SMARCA2: variants seen among roughly 807,000 people sequenced by gnomAD.
The protein encoded by SMARCA2 is SWI/SNF-related matrix-associated actin-dependent regulator of chromatin subfamily A member 2.
A neutral mutation model predicts 199.8 loss-of-function variants in SMARCA2; 61 were observed. That is an observed-to-expected ratio of 0.31 (90% CI 0.25 to 0.38). The LOEUF (loss-of-function observed/expected upper bound fraction) is 0.38, where lower values mean the gene tolerates loss of function less well. Ranked by LOEUF, SMARCA2 falls within the 10% of genes least tolerant of loss-of-function variation. SMARCA2 has a pLI of 1.00. For synonymous variants in SMARCA2, 935 were observed against 732.0 expected, an observed-to-expected ratio of 1.28 and a Z score of -4.48; for missense variants, 1,344 against 2,012.2, an observed-to-expected ratio of 0.67 and a Z score of 6.35.
At chr9:2,094,187 C>T (rs1206982694) in intron 19 of SMARCA2, among the ~76,000 whole-genome samples, 1 of 152,172 alleles carries the variant, frequency 6.6e-6, no homozygotes, top group Non-Finnish European at 1.5e-5. Context: ...GCTCTGGGAG[C>T]AAACATAAAA....
intron 13 of SMARCA2, among the ~76,000 whole-genome samples, chr9:2,077,000 T>G (rs542718501): frequency 6.6e-6 from 1 of 152,294 alleles, no homozygotes; most frequent in African/African-American, 2.4e-5. Flanking sequence ...TCCCTTTTAT[T>G]CCATGGTTGT....
chr9:2,123,800 T>C lies in SMARCA2; in HGVS notation c.3844T>C (p.Ser1282Pro). ...TTTAATGGAGGAGGATGAGCTGCCC[T>C]CCTGGATCATTAAGGATGACGCTGA... ...PRLMEEDELP[S>P]WIIKDDAEVE... is the part of the protein sequence containing the mutation. Residue 1282 changes from serine to proline, a missense_variant, in exon 27 of 34, where the codon TCC (serine) becomes CCC (proline). Ser to Pro is a moderately conservative substitution (Grantham distance 74, BLOSUM62 -1). Around this residue, in one of 18 missense-constraint regions of SMARCA2, gnomAD observed 63 missense variants for 83.3 expected, o/e 0.76. Transcript: ENST00000349721. The surrounding 1 kb of genome is among the most constrained non-coding windows in gnomAD (Gnocchi z 4.1). The C allele has an allele frequency of 3.7e-6, 6 of 1,613,826 alleles. No homozygotes were observed. The South Asian group carries it at 4.4e-5, about 12-fold the overall frequency.
At chr9:2,079,095 A>G (rs1821452133) in intron 14 of SMARCA2, among the ~76,000 whole-genome samples, 2 of 152,192 alleles carry the variant, frequency 1.3e-5, no homozygotes, top group African/African-American at 4.8e-5. Context: ...GATAATAGGC[A>G]TAACCCTGGA....
intron 27 of SMARCA2, chr9:2,159,114 C>G (rs1222281043): frequency 1.8e-6 from 2 of 1,095,474 alleles, no homozygotes; most frequent in Non-Finnish European, 2.6e-6. Flanking sequence ...TAGCTACTCA[C>G]AGATTTAGAG....
intron 28 of SMARCA2, among the ~76,000 whole-genome samples, chr9:2,162,241 A>AT (rs78195300): frequency 2.0e-5 from 3 of 151,930 alleles, no homozygotes; most frequent in African/African-American, 4.8e-5. Flanking sequence ...GAGTAATATT[A>AT]TTTTTTTTAA....
intron 2 of SMARCA2, chr9:2,032,739 A>AAC: frequency 2.5e-6 from 1 of 408,052 alleles, no homozygotes. Context: ...CAAACAAACA[A>AAC]ACAAAAAAAC....
chr9:2,155,168 A>G (rs1825284648), intron 27 of SMARCA2, among the ~76,000 whole-genome samples: 1 of 152,240 alleles, frequency 6.6e-6, no homozygotes, highest in Admixed American at 6.5e-5. Flanking sequence ...AACCTCCACT[A>G]AATCTAAAAG....
chr9:2,093,721 A>C (rs13302485), intron 19 of SMARCA2, among the ~76,000 whole-genome samples: 2 of 152,132 alleles, frequency 1.3e-5, no homozygotes, highest in Admixed American at 1.3e-4. Context: ...CTCTTTTCCC[A>C]TTCCTAGTAT....
At chr9:2,090,449 T>G (rs1207420684) in intron 19 of SMARCA2, among the ~76,000 whole-genome samples, 1 of 152,210 alleles carries the variant, frequency 6.6e-6, no homozygotes, top group African/African-American at 2.4e-5. Context: ...TTTCACCACA[T>G]TCTCCATCTC....
At position 2,043,541 on chromosome 9, in the gene SMARCA2, T is replaced by C. The variant is rs1425177432; in HGVS notation, c.790+3641T>C. ...GAGGGAGAGACCTTATGGTAGAAAA[T>C]AAAGTGTTTTTTTTGATATCTGAAA... is the stretch of plus-strand genomic sequence containing the variant. On this transcript the variant is annotated intron_variant, in intron 4 of 33. Coordinates refer to ENST00000349721, the MANE Select transcript of SMARCA2 (RefSeq NM_003070.5). The C allele has an allele frequency of 3.9e-5, 6 of 152,274 alleles. No homozygotes were observed. The East Asian group carries it at 1.2e-3, about 29-fold the overall frequency. 9.4% of individuals were successfully genotyped at this position (152,274 alleles called of 1,614,324 possible). A position where few individuals can be genotyped will look rare whatever the true frequency, so the allele number is the denominator to read the frequency against.
intron 26 of SMARCA2, among the ~76,000 whole-genome samples, chr9:2,120,254 AG>A (rs1052888280): frequency 2.7e-4 from 41 of 152,236 alleles, no homozygotes; most frequent in African/African-American, 9.9e-4. Flanking sequence ...TGAATGCTGC[AG>A]AACCCTAAAG....
chr9:2,127,308 C>G (rs1823736672), intron 27 of SMARCA2, among the ~76,000 whole-genome samples: 1 of 152,046 alleles, frequency 6.6e-6, no homozygotes, highest in Non-Finnish European at 1.5e-5. Context: ...CCATCAGTTG[C>G]CAAATTAAAG....
chr9:2,150,591 G>T (rs1451385067), intron 27 of SMARCA2, among the ~76,000 whole-genome samples: 1 of 151,650 alleles, frequency 6.6e-6, no homozygotes, highest in Non-Finnish European at 1.5e-5. Flanking sequence ...GTGCCTACGA[G>T]CAGCGTTGCT....
chr9:2,105,818 C>T (rs1272177614), intron 23 of SMARCA2, among the ~76,000 whole-genome samples: 1 of 152,136 alleles, frequency 6.6e-6, no homozygotes, highest in Admixed American at 6.5e-5. Flanking sequence ...AACTGACAGC[C>T]CCACACAGGC....
intron 3 of SMARCA2, among the ~76,000 whole-genome samples, chr9:2,035,280 T>C (rs1359125180): frequency 6.6e-6 from 1 of 152,106 alleles, no homozygotes; most frequent in East Asian, 1.9e-4. Context: ...TGACCTCAGG[T>C]GATCCACCCT....
chr9:2,181,694 C>A lies in SMARCA2; in HGVS notation c.4359+18C>A. On this transcript the variant is annotated intron_variant, in intron 30 of 33. Coordinates refer to ENST00000349721, the MANE Select transcript of SMARCA2 (RefSeq NM_003070.5). The stretch of plus-strand genomic sequence containing the variant: ...AAATAAAGGTAGATATTTTGTTTAC[C>A]AACTTTATTCTTCAAGTAAATAAAG... 8.4e-7 allele frequency: 1 copy of A among 1,185,682 alleles called. No individual in the cohort carries two copies. The highest frequency in any genetic ancestry group is 1.2e-5 in the South Asian group (1 of 81,824). 73.4% of individuals were successfully genotyped at this position (1,185,682 alleles called of 1,614,324 possible).
chr9:2,131,183 T>C (rs939556528), intron 27 of SMARCA2, among the ~76,000 whole-genome samples: 15 of 152,244 alleles, frequency 9.9e-5, no homozygotes, highest in East Asian at 3.8e-4. Context: ...CTGGATAATA[T>C]GCAATTACCA....
At chr9:2,044,765 A>G (rs1819763359) in intron 4 of SMARCA2, 1 of 152,254 alleles carries the variant, frequency 6.6e-6, no homozygotes, top group Non-Finnish European at 1.5e-5. Flanking sequence ...GTACCTGTTT[A>G]GTGCACAGCA....
chr9:2,176,733 T>TA (rs953095293), intron 29 of SMARCA2, among the ~76,000 whole-genome samples: 1 of 151,438 alleles, frequency 6.6e-6, no homozygotes, highest in African/African-American at 2.4e-5. Flanking sequence ...TTGTATTTTT[T>TA]TTTTTGTAGA....
Sources: allele counts gnomAD v4.1 joint callset (sites outside exome capture counted in the v4.1 genomes callset), GRCh38; gene constraint gnomAD v4.1.1; regional missense constraint gnomAD v4.1.1; non-coding constraint Gnocchi (gnomAD v3.1); transcripts MANE v1.5; gene names NCBI Gene and HGNC (gene_info 2026-07-23, HGNC 2026-07-21).